CERS6: variants seen among roughly 807,000 people sequenced by gnomAD.
The protein encoded by CERS6 is LAG1 homolog, ceramide synthase 6.
In CERS6, 26 loss-of-function variants were observed where a neutral mutation model predicts 56.8. That is an observed-to-expected ratio of 0.46 (90% CI 0.34 to 0.63). The LOEUF is 0.63. CERS6 is among the 30% of genes least tolerant of loss of function. The pLI is 0.01. For synonymous variants in CERS6, 164 were observed against 173.3 expected (o/e 0.95, Z 0.42); for missense variants, 415 against 467.5 (o/e 0.89, Z 1.04).
At chr2:168,695,198 C>T (rs1686614946) in intron 6 of CERS6, 147 bp downstream of exon 6, 1 of 622,020 alleles carries the variant, frequency 1.6e-6, no homozygotes, top group Admixed American at 3.3e-5. Context: ...AGAAAGTTCT[C>T]TATTTTTGTT....
At chr2:168,730,760 A>G (rs1028669039) in intron 8 of CERS6, among the ~76,000 whole-genome samples, 2 of 152,166 alleles carry the variant, frequency 1.3e-5, no homozygotes, top group Non-Finnish European at 2.9e-5. Context: ...TTTCACAAAC[A>G]GTTGTGTCTT....
chr2:168,760,940 G>A (rs1684563802), intron 8 of CERS6, among the ~76,000 whole-genome samples: 1 of 152,022 alleles, frequency 6.6e-6, no homozygotes, highest in Non-Finnish European at 1.5e-5. Context: ...TGTGTTTTTA[G>A]TAGAGACGGG....
intron 4 of CERS6, among the ~76,000 whole-genome samples, chr2:168,668,120 T>A (rs1685811471): frequency 6.6e-6 from 1 of 152,228 alleles, no homozygotes; most frequent in Non-Finnish European, 1.5e-5. Flanking sequence ...GTTTTTCAAA[T>A]GCAGAAGAAC....
At chr2:168,610,184 G>A (rs1684152496) in intron 3 of CERS6, among the ~76,000 whole-genome samples, 1 of 151,842 alleles carries the variant, frequency 6.6e-6, no homozygotes, top group African/African-American at 2.4e-5. Context: ...TCACCATGTT[G>A]GCCAGGATGG....
chr2:168,695,388 G>A (rs1272558385), intron 6 of CERS6, among the ~76,000 whole-genome samples: 2 of 152,064 alleles, frequency 1.3e-5, no homozygotes, highest in African/African-American at 2.4e-5. Context: ...TGTAGCTCCT[G>A]GGAGAGAGTA....
intron 4 of CERS6, among the ~76,000 whole-genome samples, chr2:168,661,744 A>G (rs1157203366): frequency 6.6e-6 from 1 of 152,234 alleles, no homozygotes; most frequent in Non-Finnish European, 1.5e-5. Flanking sequence ...GGGGAGAGCC[A>G]GATACACAAA....
intron 1 of CERS6, among the ~76,000 whole-genome samples, chr2:168,498,582 T>C (rs747696512): frequency 6.6e-6 from 1 of 152,220 alleles, no homozygotes; most frequent in Non-Finnish European, 1.5e-5. Context: ...GTATGCAACA[T>C]GTGTCCCACG....
At chr2:168,631,845 TA>T (rs1361016068) in intron 4 of CERS6, among the ~76,000 whole-genome samples, 2 of 128,646 alleles carry the variant, frequency 1.6e-5, no homozygotes, top group Middle Eastern at 3.8e-3. Flanking sequence ...TATTATATAA[TA>T]TATATTATAT....
chr2:168,701,651 C>T (rs980154563), intron 6 of CERS6, among the ~76,000 whole-genome samples: 14 of 152,086 alleles, frequency 9.2e-5, no homozygotes, highest in African/African-American at 3.4e-4. Context: ...GGTTCCAGGA[C>T]CACCAACCCC....
At chr2:168,638,905 A>G (rs551252723) in intron 4 of CERS6, among the ~76,000 whole-genome samples, 31 of 152,300 alleles carry the variant, frequency 2.0e-4, no homozygotes, top group African/African-American at 7.5e-4. Context: ...CCAAGAGCAA[A>G]TGGTGGCTGC....
chr2:168,754,898 C>G (rs1270042099), intron 8 of CERS6, among the ~76,000 whole-genome samples: 1 of 152,138 alleles, frequency 6.6e-6, no homozygotes, highest in Non-Finnish European at 1.5e-5. Flanking sequence ...GCCTCCGCCT[C>G]CTCAGTAGCT....
chr2:168,695,452 A>G (rs1265719305), intron 6 of CERS6, among the ~76,000 whole-genome samples: 1 of 152,146 alleles, frequency 6.6e-6, no homozygotes, highest in Non-Finnish European at 1.5e-5. Context: ...AGGGTTGTCC[A>G]GTGTCAAAAT....
At chr2:168,607,934 G>C (rs562624914) in intron 3 of CERS6, among the ~76,000 whole-genome samples, 1 of 152,216 alleles carries the variant, frequency 6.6e-6, no homozygotes, top group African/African-American at 2.4e-5. Context: ...TCAGTTATCT[G>C]TTCTTTAATG....
intron 1 of CERS6, among the ~76,000 whole-genome samples, chr2:168,528,161 A>T (rs1695102938): frequency 6.6e-6 from 1 of 152,208 alleles, no homozygotes. Context: ...TGAGGGACAC[A>T]TTCAAACCAT....
At chr2:168,611,972 C>G (rs1684200076) in intron 3 of CERS6, among the ~76,000 whole-genome samples, 1 of 152,084 alleles carries the variant, frequency 6.6e-6, no homozygotes, top group African/African-American at 2.4e-5. Flanking sequence ...TGGCACTGGC[C>G]CATACTCATG....
At chr2:168,637,000 G>C (rs115282875) in intron 4 of CERS6, among the ~76,000 whole-genome samples, 2 of 152,122 alleles carry the variant, frequency 1.3e-5, no homozygotes, top group African/African-American at 4.8e-5. Context: ...TCTAAAATCA[G>C]TAATGTAGAC....
At chr2:168,604,629 G>A (rs1050662481) in intron 3 of CERS6, among the ~76,000 whole-genome samples, 2 of 152,168 alleles carry the variant, frequency 1.3e-5, no homozygotes, top group Non-Finnish European at 2.9e-5. Flanking sequence ...CCTTGGTACT[G>A]TCATTGCTAC....
intron 4 of CERS6, among the ~76,000 whole-genome samples, chr2:168,671,078 A>G (rs1685905411): frequency 6.7e-6 from 1 of 148,306 alleles, no homozygotes; most frequent in Non-Finnish European, 1.5e-5. Flanking sequence ...CTCCTGCCTC[A>G]GCCTCCCGAG....
At chr2:168,463,895 C>T (rs895774110) in intron 1 of CERS6, among the ~76,000 whole-genome samples, 8 of 152,076 alleles carry the variant, frequency 5.3e-5, no homozygotes, top group Non-Finnish European at 1.0e-4. Context: ...GGCGCCAGAC[C>T]AAGATCCTGT....
Sources: allele counts gnomAD v4.1 joint callset (sites outside exome capture counted in the v4.1 genomes callset), GRCh38; gene constraint gnomAD v4.1.1; transcripts MANE v1.5; gene names NCBI Gene and HGNC (gene_info 2026-07-23, HGNC 2026-07-21).